PDZRN4: variants seen among roughly 807,000 people sequenced by gnomAD.
PDZRN4 encodes PDZ domain containing ring finger 4.
Under a neutral mutation model 99.0 loss-of-function variants are expected in PDZRN4, and 70 were observed. The observed-to-expected ratio is 0.71, with a 90% CI of 0.58 to 0.86. The LOEUF (loss-of-function observed/expected upper bound fraction) is 0.86, where lower values mean the gene tolerates loss of function less well. PDZRN4 is among the 40% of genes least tolerant of loss of function. The pLI is 0.00. For missense variants in PDZRN4, 1,474 were observed against 1,331.2 expected (o/e 1.11, Z -1.67); for synonymous variants, 551 against 501.6 (o/e 1.10, Z -1.32).
intron 3 of PDZRN4, among the ~76,000 whole-genome samples, chr12:41,206,105 A>G (rs1296371580): frequency 6.6e-6 from 1 of 151,980 alleles, no homozygotes; most frequent in African/African-American, 2.4e-5. Context: ...CTTCAATGGA[A>G]TGGTCAGTTC....
chr12:41,238,118 C>T (rs1566384199), intron 3 of PDZRN4, among the ~76,000 whole-genome samples: 1 of 152,076 alleles, frequency 6.6e-6, no homozygotes, highest in Non-Finnish European at 1.5e-5. Flanking sequence ...AATGTTTTTG[C>T]ATCTGCTTGT....
chr12:41,518,485 A>C (rs1180222689), intron 5 of PDZRN4, among the ~76,000 whole-genome samples: 2 of 152,036 alleles, frequency 1.3e-5, no homozygotes, highest in African/African-American at 2.4e-5. Context: ...TTTATGCATA[A>C]GTCTTTGTCT....
intron 3 of PDZRN4, among the ~76,000 whole-genome samples, chr12:41,240,932 T>C (rs1951097893): frequency 6.6e-6 from 1 of 152,158 alleles, no homozygotes; most frequent in Non-Finnish European, 1.5e-5. Context: ...CCATAGCGTA[T>C]ATAAACTACT....
intron 5 of PDZRN4, among the ~76,000 whole-genome samples, chr12:41,533,186 T>G (rs1486076545): frequency 6.6e-6 from 1 of 151,852 alleles, no homozygotes; most frequent in Non-Finnish European, 1.5e-5. Flanking sequence ...TTTTCTTTTT[T>G]TTTTTTGAGA....
chr12:41,395,078 A>AC (rs762933610), intron 3 of PDZRN4, among the ~76,000 whole-genome samples: 33 of 151,882 alleles, frequency 2.2e-4, no homozygotes, highest in Non-Finnish European at 4.4e-4. Context: ...AAATACACCC[A>AC]CCCCTGTCCA....
intron 3 of PDZRN4, among the ~76,000 whole-genome samples, chr12:41,477,657 G>A (rs556784816): frequency 6.6e-6 from 1 of 152,172 alleles, no homozygotes; most frequent in Non-Finnish European, 1.5e-5. Flanking sequence ...TTTTTAGTAT[G>A]GTTTCAAAAC....
intron 3 of PDZRN4, among the ~76,000 whole-genome samples, chr12:41,323,781 C>T (rs1951694264): frequency 6.6e-6 from 1 of 151,570 alleles, no homozygotes; most frequent in Admixed American, 6.6e-5. Context: ...TATGGTAATA[C>T]ACATTAGTTT....
chr12:41,548,977 T>G (rs1939007998), intron 5 of PDZRN4, among the ~76,000 whole-genome samples: 1 of 152,194 alleles, frequency 6.6e-6, no homozygotes, highest in African/African-American at 2.4e-5. Context: ...TTGATTTTTT[T>G]TAAAGAGACT....
intron 7 of PDZRN4, among the ~76,000 whole-genome samples, chr12:41,561,571 TTA>T (rs1939270468): frequency 1.4e-5 from 2 of 143,606 alleles, no homozygotes; most frequent in Admixed American, 1.4e-4. Flanking sequence ...TATATATTTT[TTA>T]TATATATTAT....
rs1950908234 is a variant in PDZRN4, at chr12:41,214,450, A to AAAAAAAAAAAAAAAAAAAAAAAT, written c.843+20262_843+20263insAAAAAAAAAAAAAAAAAAAAAAT. On this transcript the variant is annotated intron_variant, in intron 3 of 9. Transcript: ENST00000402685. ...TCCCCTAAAAAAAAAAAAAAAAAAA[A>AAAAAAAAAAAAAAAAAAAAAAAT]GTTATCTATTTGGGACTGTTGAGAA... Among the ~76,000 whole-genome samples the AAAAAAAAAAAAAAAAAAAAAAAT allele has an allele frequency of 2.7e-5, 4 of 146,426 alleles. 1 individual carries two copies. The highest frequency in any genetic ancestry group is 2.2e-4 in the South Asian group (1 of 4,624).
intron 3 of PDZRN4, among the ~76,000 whole-genome samples, chr12:41,490,666 A>G (rs1937867338): frequency 6.6e-6 from 1 of 152,040 alleles, no homozygotes; most frequent in Admixed American, 6.6e-5. Flanking sequence ...TCAGAGTCCC[A>G]AGACTCTCTT....
chr12:41,313,466 G>A (rs753693871), intron 3 of PDZRN4, among the ~76,000 whole-genome samples: 1 of 152,012 alleles, frequency 6.6e-6, no homozygotes, highest in Non-Finnish European at 1.5e-5. Context: ...TGGTACTATT[G>A]GAAAGACCCA....
At chr12:41,292,335 G>A (rs1951461786) in intron 3 of PDZRN4, among the ~76,000 whole-genome samples, 2 of 152,148 alleles carry the variant, frequency 1.3e-5, no homozygotes, top group East Asian at 1.9e-4. Flanking sequence ...TTATTTGTAG[G>A]AAGAGCTGGT....
At chr12:41,360,630 A>C (rs1951957240) in intron 3 of PDZRN4, among the ~76,000 whole-genome samples, 1 of 152,074 alleles carries the variant, frequency 6.6e-6, no homozygotes, top group Admixed American at 6.6e-5. Flanking sequence ...TATTTGGTGC[A>C]AAAAAATTAA....
At chr12:41,496,213 G>A (rs991182067) in intron 3 of PDZRN4, among the ~76,000 whole-genome samples, 6 of 152,062 alleles carry the variant, frequency 3.9e-5, no homozygotes, top group African/African-American at 1.4e-4. Context: ...CTCACTCAGT[G>A]CGAACTAGTA....
At chr12:41,372,972 G>A (rs1055927727) in intron 3 of PDZRN4, among the ~76,000 whole-genome samples, 3 of 152,064 alleles carry the variant, frequency 2.0e-5, no homozygotes, top group African/African-American at 7.2e-5. Flanking sequence ...AGAAATAAAG[G>A]GACAGAGTAC....
chr12:41,203,467 G>A (rs1950829916), intron 3 of PDZRN4, among the ~76,000 whole-genome samples: 2 of 152,004 alleles, frequency 1.3e-5, no homozygotes, highest in South Asian at 4.1e-4. Flanking sequence ...TAGGACTTGT[G>A]TGTCTTGCTT....
At chr12:41,497,148 G>T (rs2608698) in intron 3 of PDZRN4, among the ~76,000 whole-genome samples, 18,019 of 152,032 alleles carry the variant, frequency 0.12, 1,123 homozygotes, top group African/African-American at 0.15. Context: ...ACAAAGATGG[G>T]ACAAAAAAGA....
At position 41,359,141 on chromosome 12, in the gene PDZRN4, A is replaced by G. The variant is rs576098574; in HGVS notation, c.844-147315A>G. Among the ~76,000 whole-genome samples the G allele has an allele frequency of 3.1e-4, 47 of 151,904 alleles. 1 individual carries two copies. In the South Asian group the frequency reaches 9.6e-3, roughly 31 times the overall value. On this transcript the variant is annotated intron_variant, in intron 3 of 9. Transcript: ENST00000402685. ...CTCGTTCAGAATTATTATTCCTGCTACTTTCTTCAAAGGCATTTTCAATCA... is the reference window on the plus strand; with the variant it reads ...CTCGTTCAGAATTATTATTCCTGCTGCTTTCTTCAAAGGCATTTTCAATCA...
Sources: allele counts gnomAD v4.1 joint callset (sites outside exome capture counted in the v4.1 genomes callset), GRCh38; gene constraint gnomAD v4.1.1; transcripts MANE v1.5; gene names NCBI Gene and HGNC (gene_info 2026-07-23, HGNC 2026-07-21).